The following ADCY7 variants were observed in gnomAD, a reference collection of about 807,000 sequenced individuals.
ADCY7 encodes adenylate cyclase 7.
In ADCY7, 72 loss-of-function variants were observed where a neutral mutation model predicts 120.6. The ratio of observed to expected loss-of-function variants is 0.60; its 90% confidence interval spans 0.49 to 0.73. The LOEUF (loss-of-function observed/expected upper bound fraction) is 0.73. ADCY7 is among the 30% of genes least tolerant of loss of function. The probability of loss-of-function intolerance (pLI) is 0.00; values close to 1 mark genes in which losing one functional copy is unlikely to be tolerated. For synonymous variants in ADCY7, 661 were observed against 628.0 expected, an observed-to-expected ratio of 1.05 and a Z score of -0.78; for missense variants, 1,227 against 1,486.0, an observed-to-expected ratio of 0.83 and a Z score of 2.87.
intron 8 of ADCY7, among the ~76,000 whole-genome samples, 172 bp from the exon 9 acceptor site, chr16:50,300,543 G>A (rs577720888): frequency 6.6e-6 from 1 of 152,172 alleles, no homozygotes; most frequent in Non-Finnish European, 1.5e-5. Context: ...CTGGGGATGG[G>A]GCACTCAGCT....
rs750911315 is a variant in ADCY7 at position 50,308,404 on chromosome 16, A to G, written c.1928A>G (p.Lys643Arg). The change falls in exon 16 of 26, where the codon AAG (lysine) becomes AGG (arginine). Residue 643 changes from lysine (K) to arginine (R), a missense_variant. Lys to Arg is a conservative substitution (Grantham distance 26). Coordinates refer to ENST00000673801, the MANE Select transcript of ADCY7 (RefSeq NM_001114.5). ...GTGCTGGGCCTGTGCTTTGCCACCA[A>G]GTTCTCGGTAAGTGGGGAGCTCTGG... ...GLVLGLCFAT[K>R]FSRCCPARGT... 2 of 1,614,064 alleles carry G rather than the reference A, an allele frequency of 1.2e-6. No individual in the cohort carries two copies.
In ADCY7 at chr16:50,299,045, G is replaced by A. The variant is rs377709139; in HGVS notation, c.1076+14G>A. The A allele has an allele frequency of 1.1e-5, 17 of 1,602,620 alleles. No homozygotes were observed. The highest frequency in any genetic ancestry group is 3.4e-5 in the Admixed American group (2 of 59,440). ...CCAGGCCATCAAGTAGGTCCTGGGC[G>A]GGCCCAGGCCCTGGGTCCTGCCCTG... On this transcript the variant is annotated intron_variant, in intron 8 of 25. Coordinates refer to ENST00000673801, the MANE Select transcript of ADCY7 (RefSeq NM_001114.5).
intron 1 of ADCY7, among the ~76,000 whole-genome samples, chr16:50,285,005 G>A (rs2034493585): frequency 6.6e-6 from 1 of 152,206 alleles, no homozygotes; most frequent in Admixed American, 6.5e-5. Context: ...ATCTTGTTTG[G>A]CAACCCCCAC....
chr16:50,311,471 T>G (rs1377102467), intron 19 of ADCY7, among the ~76,000 whole-genome samples: 3 of 152,166 alleles, frequency 2.0e-5, no homozygotes, highest in African/African-American at 7.2e-5. Flanking sequence ...TTCTGGTCAT[T>G]CAGGGGTGAG....
At chr16:50,244,939 TG>T (rs2032537235), upstream of ADCY7, among the ~76,000 whole-genome samples, 1 of 151,584 alleles carries the variant, frequency 6.6e-6, no homozygotes, top group Non-Finnish European at 1.5e-5. Flanking sequence ...GCTGCTGGGA[TG>T]TAAGTCTCAG....
At chr16:50,260,540 T>C (rs1477148292) in intron 1 of ADCY7, among the ~76,000 whole-genome samples, 1 of 152,204 alleles carries the variant, frequency 6.6e-6, no homozygotes, top group African/African-American at 2.4e-5. Context: ...TTGTAATCTA[T>C]TGCTGTGTAA....
chr16:50,306,995 G>GGGTGGGCAAGTGGCACTGCT, intron 14 of ADCY7, 55 bp from the exon 15 acceptor site: 1 of 1,395,998 alleles, frequency 7.2e-7, no homozygotes, highest in Non-Finnish European at 1.0e-6. Context: ...ACTGGAGGCA[G>GGGTGGGCAAGTGGCACTGCT]GGTGGGCAAG....
intron 25 of ADCY7, 82 bp downstream of exon 25, chr16:50,315,220 G>A: frequency 6.3e-7 from 1 of 1,581,612 alleles, no homozygotes; most frequent in East Asian, 2.2e-5. Flanking sequence ...AAGAGCTGCT[G>A]TCTCACCCAG....
At chr16:50,280,898 G>A (rs1486447961) in intron 1 of ADCY7, among the ~76,000 whole-genome samples, 1 of 152,194 alleles carries the variant, frequency 6.6e-6, no homozygotes, top group Non-Finnish European at 1.5e-5. Context: ...CTGGAATGCA[G>A]GTTTCTGGTC....
rs948303153 is a variant in ADCY7, at chr16:50,309,572, G to C, written c.2086G>C (p.Glu696Gln). ...NLPLMPFQVP[E>Q]LPVGNETGLL... ...GCCCCTGATGCCTTTCCAAGTTCCA[G>C]AGCTGCCTGTTGGCAATGAGACAGG... The change falls in exon 18 of 26, where the codon GAG becomes CAG. Residue 696 changes from glutamate (E) to glutamine (Q), a missense_variant. By Grantham distance (29) the Glu-to-Gln change is conservative. Transcript: ENST00000673801. 2 of 1,613,828 alleles carry C rather than the reference G, an allele frequency of 1.2e-6. No homozygotes were observed. Among genetic ancestry groups the C allele is most frequent in the African/African-American group, 2.7e-5 (2 of 74,942 alleles).
chr16:50,267,243 C>T (rs182188029), intron 1 of ADCY7, among the ~76,000 whole-genome samples: 1 of 152,352 alleles, frequency 6.6e-6, no homozygotes. Flanking sequence ...CCGCATGGGC[C>T]ATCTGGAGTG....
chr16:50,314,196 T>C, intron 23 of ADCY7, 96 bp from the exon 24 acceptor site: 4 of 1,421,670 alleles, frequency 2.8e-6, no homozygotes, highest in Middle Eastern at 1.8e-4. Context: ...GCCAGGATTT[T>C]AGTGGTGGGG....
chr16:50,274,937 C>T lies in ADCY7; in HGVS notation c.-269+8257C>T, dbSNP rs58543850. On this transcript the variant is annotated intron_variant, in intron 1 of 25. Transcript: ENST00000673801. The stretch of plus-strand genomic sequence containing the variant: ...GAGCTGGGACTGTACCTTACATCAC[C>T]TGACATTCAGCCCAGGGCTCTATTC... Among the ~76,000 whole-genome samples, 297 of 152,300 alleles carry T rather than the reference C, an allele frequency of 2.0e-3. 1 individual carries two copies. The highest frequency in any genetic ancestry group is 6.9e-3 in the African/African-American group (285 of 41,562).
intron 1 of ADCY7, among the ~76,000 whole-genome samples, chr16:50,249,992 C>T (rs1439040301): frequency 6.6e-6 from 1 of 152,208 alleles, no homozygotes; most frequent in East Asian, 1.9e-4. Flanking sequence ...AAAGAGAGTC[C>T]CCTGGGCTTG....
At chr16:50,308,931 T>TTTTAA in intron 17 of ADCY7, 139 bp downstream of exon 17, 1 of 1,173,446 alleles carries the variant, frequency 8.5e-7, no homozygotes, top group Non-Finnish European at 1.1e-6. Context: ...GGGTTCCCCT[T>TTTTAA]TGTACACTCA....
At chr16:50,264,611 C>T (rs576463072), upstream of ADCY7, among the ~76,000 whole-genome samples, 1 of 152,300 alleles carries the variant, frequency 6.6e-6, no homozygotes, top group East Asian at 1.9e-4. Context: ...AGCTGCTTCT[C>T]CTCCTTGTCA....
chr16:50,271,605 C>A (rs2033578778), intron 1 of ADCY7, among the ~76,000 whole-genome samples: 1 of 152,162 alleles, frequency 6.6e-6, no homozygotes, highest in Admixed American at 6.5e-5. Context: ...CCAGACCGGG[C>A]CTGACTTCCC....
chr16:50,308,747 C>T lies in ADCY7; in HGVS notation c.2016C>T (p.Ala672=), dbSNP rs17289102. 368,134 of 1,612,688 alleles carry T rather than the reference C, an allele frequency of 0.23. 46,036 individuals are homozygous for T. Among genetic ancestry groups the T allele is most frequent in the Middle Eastern group, 0.3 (1,792 of 6,024 alleles). ...AGCCCCTGCTGAGGCTGACCCTGGC[C>T]GTCCTGACCATCGGCAGCCTGCTCA... ...ETQPLLRLTL[A]VLTIGSLLTV... Residue 672 remains alanine (A), a synonymous_variant, in exon 17 of 26, where the codon GCC becomes GCT. Coordinates refer to ENST00000673801, the MANE Select transcript of ADCY7 (RefSeq NM_001114.5).
chr16:50,312,208 CTGGG>C lies in ADCY7; in HGVS notation c.2604+18_2604+21del, dbSNP rs752841107. 4.7e-5 allele frequency: 48 copies of C among 1,020,038 alleles called. No homozygotes were observed. Among genetic ancestry groups the C allele is most frequent in the Non-Finnish European group, 6.1e-5 (48 of 783,198 alleles). 63.2% of individuals were successfully genotyped at this position (1,020,038 alleles called of 1,614,324 possible). On this transcript the variant is annotated intron_variant, in intron 21 of 25. Coordinates refer to ENST00000673801, the MANE Select transcript of ADCY7 (RefSeq NM_001114.5). ...TTAAACGAGGTGTGCTGAGAAGGGG[CTGGG>C]GCGGGGGCAGGGAGGCGGACGGTCC...
Sources: gnomAD v4.1 joint callset for allele counts (sites outside exome capture counted in the v4.1 genomes callset) on GRCh38, gnomAD v4.1.1 for gene constraint, MANE v1.5 for transcripts, NCBI Gene and HGNC (gene_info 2026-07-23, HGNC 2026-07-21) for gene names.